The following DRAM1 variants were observed in gnomAD, a reference collection of about 807,000 sequenced individuals.
DRAM1 encodes the protein DNA damage-regulated autophagy modulator protein 1.
DRAM1 carries 25 observed loss-of-function variants against 28.5 expected under a neutral mutation model. That is an observed-to-expected ratio of 0.88 (90% CI 0.64 to 1.23). DRAM1 has a LOEUF of 1.23. Ranked by LOEUF, DRAM1 falls within the 50% of genes most tolerant of loss-of-function variation. The pLI is 0.00. For missense variants in DRAM1, 249 were observed against 299.2 expected, an observed-to-expected ratio of 0.83 and a Z score of 1.24; for synonymous variants, 113 against 114.2, an observed-to-expected ratio of 0.99 and a Z score of 0.07.
chr12:101,884,369 C>CAAAAAAA (rs777858309), intron 1 of DRAM1, among the ~76,000 whole-genome samples: 1 of 78,070 alleles, frequency 1.3e-5, no homozygotes. Context: ...TACCCTGTCT[C>CAAAAAAA]AAAAAAAAAA....
intron 2 of DRAM1, 123 bp from the exon 3 acceptor site, chr12:101,901,167 AG>A: frequency 1.1e-6 from 1 of 926,114 alleles, no homozygotes; most frequent in Non-Finnish European, 1.6e-6. Context: ...CAGGAGGGAC[AG>A]GGGTGGGAAA....
intron 5 of DRAM1, among the ~76,000 whole-genome samples, chr12:101,919,271 CAG>C (rs1874378271): frequency 1.3e-5 from 2 of 150,334 alleles, no homozygotes; most frequent in African/African-American, 4.9e-5. Context: ...CACAGACACA[CAG>C]ACACACACAC....
intron 1 of DRAM1, among the ~76,000 whole-genome samples, chr12:101,886,393 G>GAA (rs1024796663): frequency 2.0e-5 from 3 of 152,144 alleles, no homozygotes; most frequent in African/African-American, 7.2e-5. Context: ...TGAACTCACA[G>GAA]AAAACTCATT....
At chr12:101,911,944 A>AT (rs1368597262) in intron 4 of DRAM1, among the ~76,000 whole-genome samples, 3 of 152,188 alleles carry the variant, frequency 2.0e-5, no homozygotes. Flanking sequence ...CACGCCTGTA[A>AT]TCCCAGCATT....
chr12:101,898,035 T>C, intron 2 of DRAM1, 105 bp downstream of exon 2: 1 of 696,994 alleles, frequency 1.4e-6, no homozygotes, highest in East Asian at 3.3e-5. Flanking sequence ...ATTTTATTTA[T>C]TTTTTCTGAG....
At chr12:101,916,709 A>C (rs906684619) in intron 5 of DRAM1, among the ~76,000 whole-genome samples, 3 of 152,180 alleles carry the variant, frequency 2.0e-5, no homozygotes, top group Non-Finnish European at 4.4e-5. Flanking sequence ...GCAAAGGAGA[A>C]GTAAAGGGAT....
At chr12:101,913,705 C>CAAAAA (rs60536139) in intron 4 of DRAM1, among the ~76,000 whole-genome samples, 11 of 50,138 alleles carry the variant, frequency 2.2e-4, no homozygotes, top group Admixed American at 4.8e-4. Flanking sequence ...GAGTACGTCT[C>CAAAAA]AAAAAAAAAA....
At chr12:101,891,459 T>C (rs1873123998) in intron 1 of DRAM1, among the ~76,000 whole-genome samples, 1 of 152,260 alleles carries the variant, frequency 6.6e-6, no homozygotes, top group Non-Finnish European at 1.5e-5. Flanking sequence ...TTATCCAGCA[T>C]GTTTTCTTTG....
chr12:101,889,456 CGAGAT>C (rs1416802112), intron 1 of DRAM1, among the ~76,000 whole-genome samples: 3 of 141,498 alleles, frequency 2.1e-5, no homozygotes, highest in African/African-American at 7.9e-5. Flanking sequence ...AGAAAAGAGA[CGAGAT>C]GAGACGAGAT....
intron 3 of DRAM1, among the ~76,000 whole-genome samples, chr12:101,905,713 C>G (rs373626536): frequency 6.6e-6 from 1 of 152,094 alleles, no homozygotes; most frequent in South Asian, 2.1e-4. Flanking sequence ...CCTCAGCCTC[C>G]GAAGTAGCTG....
At chr12:101,896,318 C>T (rs1482624350) in intron 1 of DRAM1, among the ~76,000 whole-genome samples, 3 of 152,216 alleles carry the variant, frequency 2.0e-5, no homozygotes, top group South Asian at 4.1e-4. Flanking sequence ...TCAACGTGAT[C>T]GGTTTTTTAA....
rs745515371 is a variant in DRAM1, at chr12:101,908,285, T to C, written c.442T>C (p.Cys148Arg). The stretch of plus-strand genomic sequence containing the variant: ...ACAGTCCATCATCTCTTACAAATCA[T>C]GTCCCCAGTGGAACAGTCTCTCGAC... ...LLQSIISYKS[C>R]PQWNSLSTCH... The change falls in exon 4 of 7, where the codon TGT becomes CGT. Residue 148 changes from cysteine to arginine, a missense_variant. Cys to Arg is a radical substitution (Grantham distance 180). Transcript: ENST00000258534. 1 of 1,614,188 alleles carries C rather than the reference T, an allele frequency of 6.2e-7. No homozygotes were observed. Among genetic ancestry groups the C allele is most frequent in the Non-Finnish European group, 8.5e-7 (1 of 1,180,036 alleles).
At chr12:101,878,032 G>A in intron 1 of DRAM1, 112 bp downstream of exon 1, 1 of 1,324,880 alleles carries the variant, frequency 7.5e-7, no homozygotes, top group South Asian at 1.8e-5. Flanking sequence ...CGTGTGGTCA[G>A]GCAGAGGTGG....
At chr12:101,921,189 A>T (rs1874467833) in intron 6 of DRAM1, 27 bp from the exon 7 acceptor site, 1 of 1,533,780 alleles carries the variant, frequency 6.5e-7, no homozygotes, top group African/African-American at 1.4e-5. Context: ...CTTCTTTTAA[A>T]CCTTTCTCTT....
chr12:101,909,906 A>C lies in DRAM1; in HGVS notation c.520+1543A>C, dbSNP rs949752563. On this transcript the variant is annotated intron_variant, in intron 4 of 6. Transcript: ENST00000258534. ...AGAGAAAGCTTCAGGGTCATTAAAC[A>C]TTGATGACTAATGTCAGATTGTAGG... Among the ~76,000 whole-genome samples the C allele has an allele frequency of 1.6e-4, 24 of 152,342 alleles. No homozygotes were observed. The East Asian group carries it at 4.6e-3, about 29-fold the overall frequency.
At chr12:101,901,172 T>C (rs1423904076) in intron 2 of DRAM1, 119 bp from the exon 3 acceptor site, 1 of 999,958 alleles carries the variant, frequency 1.0e-6, no homozygotes, top group South Asian at 1.8e-5. Flanking sequence ...GGGACAGGGG[T>C]GGGAAAGTGG....
chr12:101,887,168 A>C (rs1872916853), intron 1 of DRAM1, among the ~76,000 whole-genome samples: 1 of 148,228 alleles, frequency 6.7e-6, no homozygotes, highest in Admixed American at 6.8e-5. Flanking sequence ...AAAATTGGTT[A>C]AATGCTTTGG....
intron 3 of DRAM1, among the ~76,000 whole-genome samples, chr12:101,902,959 C>T (rs1187684685): frequency 5.3e-5 from 8 of 151,078 alleles, no homozygotes; most frequent in Non-Finnish European, 1.0e-4. Context: ...CTTGCTCTGT[C>T]GCCCAGGCTA....
At chr12:101,904,859 G>A (rs1055708685) in intron 3 of DRAM1, among the ~76,000 whole-genome samples, 10 of 151,936 alleles carry the variant, frequency 6.6e-5, no homozygotes, top group South Asian at 2.1e-4. Context: ...TAACTTTATC[G>A]AAAATTCATG....
Sources: gnomAD v4.1 joint callset for allele counts (sites outside exome capture counted in the v4.1 genomes callset) on GRCh38, gnomAD v4.1.1 for gene constraint, MANE v1.5 for transcripts, NCBI Gene and HGNC (gene_info 2026-07-23, HGNC 2026-07-21) for gene names.